Variants in YIPF7 observed in about 807,000 individuals in gnomAD.
YIPF7 encodes protein YIPF7.
YIPF7 carries 35 observed loss-of-function variants against 27.2 expected under a neutral mutation model. That is an observed-to-expected ratio of 1.29 (90% CI 0.98 to 1.70). The LOEUF is 1.70. Ranked by LOEUF, YIPF7 falls within the 40% of genes most tolerant of loss-of-function variation. The probability of loss-of-function intolerance (pLI) is 0.00; values close to 1 mark genes in which losing one functional copy is unlikely to be tolerated. For missense variants in YIPF7, 358 were observed against 303.7 expected, an observed-to-expected ratio of 1.18 and a Z score of -1.33; for synonymous variants, 137 against 110.4, an observed-to-expected ratio of 1.24 and a Z score of -1.51.
chr4:44,636,036 T>C lies in YIPF7; in HGVS notation c.166A>G (p.Met56Val), dbSNP rs371283882. ...CCTGCGTAACCCGATGACATGAGCATCTCTGATGGAACAAAGGAGGCAGGC... is the reference window on the plus strand; with the variant it reads ...CCTGCGTAACCCGATGACATGAGCACCTCTGATGGAACAAAGGAGGCAGGC... Reference protein sequence around the residue: ...PQPASFVPSEMLMSSGYAGQF... With the variant: ...PQPASFVPSEVLMSSGYAGQF... The change falls in exon 3 of 6, where the codon ATG (methionine) becomes GTG (valine). Residue 56 changes from methionine to valine, a missense_variant. Coordinates refer to ENST00000415895, the MANE Select transcript of YIPF7 (RefSeq NM_182592.3). The C allele has an allele frequency of 3.7e-6, 6 of 1,613,788 alleles. No homozygotes were observed. The highest frequency in any genetic ancestry group is 3.3e-5 in the South Asian group (3 of 91,058).
chr4:44,635,695 G>A (rs1242965466), intron 3 of YIPF7, among the ~76,000 whole-genome samples: 1 of 152,052 alleles, frequency 6.6e-6, no homozygotes, highest in African/African-American at 2.4e-5. Flanking sequence ...GCATTTAATA[G>A]GTGCAGCAAT....
chr4:44,661,444 T>C (rs1714038429), intron 1 of YIPF7, among the ~76,000 whole-genome samples: 1 of 152,216 alleles, frequency 6.6e-6, no homozygotes, highest in Non-Finnish European at 1.5e-5. Flanking sequence ...GATTATAAAT[T>C]GATCCATAAG....
chr4:44,633,260 TTAACTC>T (rs1257170415), intron 3 of YIPF7, among the ~76,000 whole-genome samples: 6 of 152,074 alleles, frequency 3.9e-5, no homozygotes, highest in Non-Finnish European at 5.9e-5. Flanking sequence ...TTTGGGGAAA[TTAACTC>T]TGAGCTGTAT....
In YIPF7 at chr4:44,650,041, GT is replaced by G; in HGVS notation, c.59del (p.Asn20ThrfsTer73). On this transcript the variant is annotated frameshift_variant, in exon 2 of 6. Coordinates refer to ENST00000415895, the MANE Select transcript of YIPF7 (RefSeq NM_182592.3). LOFTEE classifies it high-confidence loss of function. ...TAGAGTCATTACCACTCTGCTCCTG[GT>G]TATCAATAGTAAAATTAGATTGGTA... ...DFYQSNFTID[N>X]QEQSGNDSNA... 6.3e-7 allele frequency: 1 copy of G among 1,590,062 alleles called. No individual in the cohort carries two copies.
rs1312357612 is a variant in YIPF7, at chr4:44,624,739, A to G, written c.470T>C (p.Ile157Thr). Residue 157 changes from isoleucine to threonine, a missense_variant, in exon 5 of 6, where the codon ATT becomes ACT. Coordinates refer to ENST00000415895, the MANE Select transcript of YIPF7 (RefSeq NM_182592.3). ...CAAGGCATGAATCACAAGGCAGCCA[A>G]TGGCACTCATGCCATACACATAACC... ...QFGYVYGMSAIGCLVIHALLN... is the reference protein window; with the variant it reads ...QFGYVYGMSATGCLVIHALLN... 1.9e-6 allele frequency: 3 copies of G among 1,612,038 alleles called. No homozygotes were observed. The highest frequency in any genetic ancestry group is 2.2e-5 in the East Asian group (1 of 44,790).
chr4:44,628,985 G>T (rs1353354222), intron 4 of YIPF7, among the ~76,000 whole-genome samples: 1 of 152,124 alleles, frequency 6.6e-6, no homozygotes, highest in African/African-American at 2.4e-5. Context: ...GTTAGAAATA[G>T]TCTGGAGATA....
intron 2 of YIPF7, among the ~76,000 whole-genome samples, chr4:44,644,105 T>G (rs1713438073): frequency 6.6e-6 from 1 of 152,112 alleles, no homozygotes; most frequent in Non-Finnish European, 1.5e-5. Flanking sequence ...CCTCAGACAT[T>G]CATCACCAGA....
At chr4:44,660,112 T>TAAAAAAAAAAAAAAAAA (rs1371419755) in intron 2 of YIPF7, among the ~76,000 whole-genome samples, 1 of 1,408 alleles carries the variant, frequency 7.1e-4, no homozygotes, top group Non-Finnish European at 4.4e-3. Flanking sequence ...AGACTCTGTC[T>TAAAAAAAAAAAAAAAAA]CAAAAAAAAA....
At chr4:44,641,560 AC>A (rs1390223889) in intron 2 of YIPF7, among the ~76,000 whole-genome samples, 1 of 152,188 alleles carries the variant, frequency 6.6e-6, no homozygotes, top group African/African-American at 2.4e-5. Context: ...AAGGTTCTGA[AC>A]TTGGTAACTC....
At chr4:44,629,686 G>T (rs1712813360) in intron 3 of YIPF7, 138 bp from the exon 4 acceptor site, 2 of 576,230 alleles carry the variant, frequency 3.5e-6, no homozygotes, top group Non-Finnish European at 5.4e-6. Flanking sequence ...ACCTTCTAAA[G>T]TTCTATGTTC....
intron 4 of YIPF7, among the ~76,000 whole-genome samples, chr4:44,625,250 T>C (rs1373976322): frequency 1.3e-5 from 2 of 152,182 alleles, no homozygotes; most frequent in Non-Finnish European, 2.9e-5. Context: ...TATATTTATG[T>C]AATCCACATA....
rs1713675460 is a variant in YIPF7, at chr4:44,650,091, A to G, written c.10T>C (p.Leu4=). Residue 4 remains leucine (L), a synonymous_variant, in exon 2 of 6, where the codon TTG becomes CTG. Transcript: ENST00000415895. ...TAAAAATCAGAGTCAAATTGTGCCA[A>G]GTTTGACATCCTGAAAAATAAGAGT... MSN[L]AQFDSDFYQS... 1 of 1,557,762 alleles carries G rather than the reference A, an allele frequency of 6.4e-7. No individual in the cohort carries two copies. Among genetic ancestry groups the G allele is most frequent in the African/African-American group, 1.4e-5 (1 of 73,794 alleles).
Position 44,649,965 on chromosome 4 carries a change from G to GA in YIPF7, c.116+19dup. 1.6e-6 allele frequency: 2 copies of GA among 1,217,660 alleles called. No individual in the cohort carries two copies. Among genetic ancestry groups the GA allele is most frequent in the Non-Finnish European group, 2.3e-6 (2 of 882,840 alleles). The allele number at this position is 1,217,660 out of a possible 1,614,324, so 75.4% of individuals were successfully genotyped here. A position where few individuals can be genotyped will look rare whatever the true frequency, so the allele number is the denominator to read the frequency against. On this transcript the variant is annotated intron_variant, in intron 2 of 5. Coordinates refer to ENST00000415895, the MANE Select transcript of YIPF7 (RefSeq NM_182592.3). Reference sequence around the variant, plus strand: ...TGAGACTCTGTCAAAAAAAAAAAAAGAAAAATATTAAGTACTTACTTTCTA... The same window carrying GA: ...TGAGACTCTGTCAAAAAAAAAAAAAGAAAAAATATTAAGTACTTACTTTCTA...
At chr4:44,636,864 T>C (rs1713142312) in intron 2 of YIPF7, among the ~76,000 whole-genome samples, 1 of 152,140 alleles carries the variant, frequency 6.6e-6, no homozygotes, top group African/African-American at 2.4e-5. Flanking sequence ...CCAAATAACA[T>C]TCATTATATG....
intron 2 of YIPF7, among the ~76,000 whole-genome samples, chr4:44,644,388 A>G (rs1370325895): frequency 1.3e-5 from 2 of 152,208 alleles, no homozygotes; most frequent in Non-Finnish European, 1.5e-5. Context: ...AAAGTTTATG[A>G]ATTTGTGTTG....
At chr4:44,640,370 C>A (rs1713284509) in intron 2 of YIPF7, among the ~76,000 whole-genome samples, 1 of 152,138 alleles carries the variant, frequency 6.6e-6, no homozygotes, top group Non-Finnish European at 1.5e-5. Context: ...TGTCACTTAT[C>A]ATTGGTTGAG....
chr4:44,636,000 GA>G lies in YIPF7; in HGVS notation c.201del (p.Gln68SerfsTer25). 1 of 1,613,846 alleles carries G rather than the reference GA, an allele frequency of 6.2e-7. No individual in the cohort carries two copies. The highest frequency in any genetic ancestry group is 2.2e-5 in the East Asian group (1 of 44,864). Reference sequence around the variant, plus strand: ...TAATAATCTGAGTTGGATGCTGGCTGAAAAAATTGTCCTGCGTAACCCGATG... The same window carrying G: ...TAATAATCTGAGTTGGATGCTGGCTGAAAAATTGTCCTGCGTAACCCGATG... The part of the protein sequence containing the change: ...LMSSGYAGQF[F>X]QPASNSDYYS... On this transcript the variant is annotated frameshift_variant, in exon 3 of 6. Coordinates refer to ENST00000415895, the MANE Select transcript of YIPF7 (RefSeq NM_182592.3). LOFTEE classifies it high-confidence loss of function.
At chr4:44,659,531 G>A (rs1189375536) in intron 2 of YIPF7, among the ~76,000 whole-genome samples, 3 of 152,034 alleles carry the variant, frequency 2.0e-5, no homozygotes, top group Non-Finnish European at 4.4e-5. Context: ...ATTCATAACG[G>A]AAAAATCTGT....
Position 44,622,484 on chromosome 4 carries a change from C to T in YIPF7, c.701G>A (p.Gly234Glu), listed in dbSNP as rs375303056. The T allele has an allele frequency of 2.2e-5, 35 of 1,613,804 alleles. No homozygotes were observed. Among genetic ancestry groups the T allele is most frequent in the Non-Finnish European group, 2.9e-5 (34 of 1,179,862 alleles). The change falls in exon 6 of 6, where the codon GGA becomes GAA. Residue 234 changes from glycine to glutamate, a missense_variant. By Grantham distance (98) the Gly-to-Glu change is moderately conservative. Transcript: ENST00000415895. ...KIFIAALHME[G>E]QQLLVAYPCA... Reference sequence around the variant, plus strand: ...AGGGTAGGCAACAAGAAGCTGCTGTCCTTCCATGTGCAAGGCTGCAATGAA... The same window carrying T: ...AGGGTAGGCAACAAGAAGCTGCTGTTCTTCCATGTGCAAGGCTGCAATGAA...
Sources: allele counts gnomAD v4.1 joint callset (sites outside exome capture counted in the v4.1 genomes callset), GRCh38; gene constraint gnomAD v4.1.1; transcripts MANE v1.5; gene names NCBI Gene and HGNC (gene_info 2026-07-23, HGNC 2026-07-21).